Variants in RAPGEF6 observed in about 807,000 individuals in gnomAD.
RAPGEF6 encodes Rap guanine nucleotide exchange factor 6.
Under a neutral mutation model 171.4 loss-of-function variants are expected in RAPGEF6, and 56 were observed. The observed-to-expected ratio is 0.33, with a 90% CI of 0.26 to 0.41. The LOEUF is 0.41. Ranked by LOEUF, RAPGEF6 falls within the 10% of genes least tolerant of loss-of-function variation. RAPGEF6 has a pLI of 1.00. For missense variants in RAPGEF6, 1,674 were observed against 1,921.4 expected (o/e 0.87, Z 2.41); for synonymous variants, 692 against 650.1 (o/e 1.06, Z -0.98).
chr5:131,589,784 C>T (rs569474364), intron 4 of RAPGEF6, among the ~76,000 whole-genome samples: 1 of 152,320 alleles, frequency 6.6e-6, no homozygotes, highest in Non-Finnish European at 1.5e-5. Context: ...TTTCCTGTCC[C>T]CAGCTTCAGG....
intron 27 of RAPGEF6, among the ~76,000 whole-genome samples, chr5:131,427,667 C>T (rs1751455845): frequency 6.6e-6 from 1 of 152,138 alleles, no homozygotes; most frequent in Non-Finnish European, 1.5e-5. Context: ...TTCAAGTTTC[C>T]ATGCATTAAG....
At chr5:131,482,003 G>A (rs555281762) in intron 15 of RAPGEF6, among the ~76,000 whole-genome samples, 1 of 152,198 alleles carries the variant, frequency 6.6e-6, no homozygotes, top group African/African-American at 2.4e-5. Context: ...TTACAAGTAA[G>A]ATAGAAATGG....
chr5:131,604,601 T>C, intron 2 of RAPGEF6, 22 bp downstream of exon 2: 1 of 1,608,554 alleles, frequency 6.2e-7, no homozygotes, highest in Non-Finnish European at 8.5e-7. Context: ...GCGTGTGCTC[T>C]TAAATACAGA....
At chr5:131,537,279 T>A (rs1225165316) in intron 6 of RAPGEF6, among the ~76,000 whole-genome samples, 2 of 152,190 alleles carry the variant, frequency 1.3e-5, no homozygotes, top group Non-Finnish European at 2.9e-5. Context: ...TGAATTAGTG[T>A]CACACCATTA....
intron 1 of RAPGEF6, among the ~76,000 whole-genome samples, chr5:131,629,257 A>G (rs1361219932): frequency 6.6e-6 from 1 of 152,120 alleles, no homozygotes; most frequent in African/African-American, 2.4e-5. Flanking sequence ...AGGTGGGAGG[A>G]TCACTTGAGC....
At chr5:131,528,336 T>TAC (rs1759120860) in intron 6 of RAPGEF6, among the ~76,000 whole-genome samples, 2 of 24,466 alleles carry the variant, frequency 8.2e-5, no homozygotes, top group Non-Finnish European at 3.6e-4. Flanking sequence ...TATATATATA[T>TAC]ATACACACAC....
chr5:131,435,841 A>C, intron 24 of RAPGEF6: 1 of 1,422,580 alleles, frequency 7.0e-7, no homozygotes, highest in East Asian at 2.5e-5. Flanking sequence ...GTTTATAAAT[A>C]GTATTTTACT....
In RAPGEF6 at chr5:131,603,279, A is replaced by C; in HGVS notation, c.189T>G (p.Val63=). 6.3e-7 allele frequency: 1 copy of C among 1,586,080 alleles called. No homozygotes were observed. The highest frequency in any genetic ancestry group is 8.6e-7 in the Non-Finnish European group (1 of 1,167,726). Residue 63 remains valine, a synonymous_variant, in exon 3 of 28, where the codon GTT becomes GTG. Coordinates refer to ENST00000509018, the MANE Select transcript of RAPGEF6 (RefSeq NM_016340.6). The stretch of plus-strand genomic sequence containing the variant: ...ATTATGGAAATACTTACCAAAAGAG[A>C]ACCTGATTGCCACTGTATCTCTCAT... ...ARYERYSGNQ[V]LFCSETIARC...
intron 24 of RAPGEF6, chr5:131,435,735 T>C: frequency 5.5e-6 from 5 of 905,458 alleles, no homozygotes; most frequent in Non-Finnish European, 7.6e-6. Flanking sequence ...CAGCTAACAG[T>C]AGGAAATAAA....
At chr5:131,436,060 A>G in intron 24 of RAPGEF6, 1 of 1,537,634 alleles carries the variant, frequency 6.5e-7, no homozygotes, top group Non-Finnish European at 8.7e-7. Context: ...CTCATCTTTG[A>G]TGTTGCTTCC....
At chr5:131,538,771 T>TAAGCA (rs1239555563) in intron 6 of RAPGEF6, among the ~76,000 whole-genome samples, 3 of 152,298 alleles carry the variant, frequency 2.0e-5, no homozygotes, top group East Asian at 3.9e-4. Flanking sequence ...ATTTCTACAA[T>TAAGCA]AAGCATTTCT....
intron 10 of RAPGEF6, 67 bp from the exon 11 acceptor site, chr5:131,504,845 T>C: frequency 7.2e-7 from 1 of 1,382,650 alleles, no homozygotes; most frequent in Non-Finnish European, 9.7e-7. Flanking sequence ...TATGTACCAA[T>C]GCAGAGCACA....
chr5:131,487,690 G>A (rs889873986), intron 15 of RAPGEF6, among the ~76,000 whole-genome samples: 3 of 152,142 alleles, frequency 2.0e-5, no homozygotes, highest in Admixed American at 1.3e-4. Flanking sequence ...AATGTTCTCC[G>A]AGTCCCTACT....
intron 3 of RAPGEF6, among the ~76,000 whole-genome samples, chr5:131,600,849 C>T (rs1396771895): frequency 2.6e-5 from 4 of 151,904 alleles, no homozygotes; most frequent in Admixed American, 1.3e-4. Context: ...AGAAAATCTT[C>T]GCAATCATGA....
intron 1 of RAPGEF6, 64 bp downstream of exon 1, chr5:131,634,898 C>G: frequency 6.3e-7 from 1 of 1,584,252 alleles, no homozygotes. Context: ...CCGCGGATTT[C>G]GGACAGACAG....
intron 6 of RAPGEF6, among the ~76,000 whole-genome samples, chr5:131,523,626 AG>A (rs1561534068): frequency 1.3e-5 from 2 of 152,092 alleles, no homozygotes; most frequent in Admixed American, 6.6e-5. Flanking sequence ...GTGGGAGAGA[AG>A]GGGTAAGAGC....
intron 11 of RAPGEF6, among the ~76,000 whole-genome samples, chr5:131,499,429 A>T (rs1756863206): frequency 6.6e-6 from 1 of 151,930 alleles, no homozygotes; most frequent in Admixed American, 6.6e-5. Flanking sequence ...AAAAATACAA[A>T]AATTGGCTGG....
chr5:131,465,390 T>C (rs1486024555), intron 17 of RAPGEF6, among the ~76,000 whole-genome samples: 3 of 152,184 alleles, frequency 2.0e-5, no homozygotes, highest in Non-Finnish European at 4.4e-5. Flanking sequence ...ATATTTAATA[T>C]AATTAAATTT....
At chr5:131,615,690 A>C (rs975306220) in intron 1 of RAPGEF6, among the ~76,000 whole-genome samples, 4 of 152,118 alleles carry the variant, frequency 2.6e-5, no homozygotes, top group African/African-American at 7.2e-5. Context: ...ACTTGAGGTA[A>C]GGAGTTCACG....
Sources: gnomAD v4.1 joint callset for allele counts (sites outside exome capture counted in the v4.1 genomes callset) on GRCh38, gnomAD v4.1.1 for gene constraint, MANE v1.5 for transcripts, NCBI Gene and HGNC (gene_info 2026-07-23, HGNC 2026-07-21) for gene names.